Variants in NIT2 observed in about 807,000 individuals in gnomAD.
The protein encoded by NIT2 is omega-amidase NIT2.
Under a neutral mutation model 42.7 loss-of-function variants are expected in NIT2, and 46 were observed. The observed-to-expected ratio is 1.08, with a 90% CI of 0.85 to 1.38. The LOEUF (loss-of-function observed/expected upper bound fraction) is 1.38, where lower values mean the gene tolerates loss of function less well. NIT2 is among the 40% of genes most tolerant of loss of function. The pLI, the probability that NIT2 is intolerant of heterozygous loss-of-function variation, is 0.00. For synonymous variants in NIT2, 123 were observed against 121.9 expected (o/e 1.01, Z -0.06); for missense variants, 309 against 342.5 (o/e 0.90, Z 0.77).
At chr3:100,335,419 T>C (rs1306628031) in intron 1 of NIT2, among the ~76,000 whole-genome samples, 1 of 152,038 alleles carries the variant, frequency 6.6e-6, no homozygotes, top group African/African-American at 2.4e-5. Flanking sequence ...CAGTATTTTA[T>C]TCTTTTTTTC....
In NIT2 at chr3:100,358,714, A is replaced by G. The variant is rs1291323783; in HGVS notation, c.*3446A>G. 1 of 152,250 alleles carries G rather than the reference A, an allele frequency of 6.6e-6. No individual in the cohort carries two copies. The highest frequency in any genetic ancestry group is 1.5e-5 in the Non-Finnish European group (1 of 68,044). The allele number at this position is 152,250 out of a possible 1,614,324, so 9.4% of individuals were successfully genotyped here. On this transcript the variant is annotated 3_prime_UTR_variant, in exon 10 of 10. Coordinates refer to ENST00000394140, the MANE Select transcript of NIT2 (RefSeq NM_020202.5). The stretch of plus-strand genomic sequence containing the variant: ...GACCAAGGAGTAGATTGTGACATCG[A>G]CTGGGTATTTAGGGAAGGACTCCTT...
intron 5 of NIT2, 41 bp from the exon 6 acceptor site, chr3:100,346,140 G>A (rs1445944600): frequency 1.3e-6 from 2 of 1,522,442 alleles, no homozygotes; most frequent in Non-Finnish European, 1.8e-6. Context: ...CATGCTGTAG[G>A]GAGTTAACTT....
rs150742283 is a variant in NIT2 at position 100,346,210 on chromosome 3, T to C, written c.460T>C (p.Tyr154His). 1.2e-6 allele frequency: 2 copies of C among 1,614,176 alleles called. No individual in the cohort carries two copies. The highest frequency in any genetic ancestry group is 1.7e-6 in the Non-Finnish European group (2 of 1,180,006). ...PYCRVGLGIC[Y>H]DMRFAELAQI... ...CTGCAGAGTGGGTCTGGGCATCTGC[T>C]ACGACATGCGGTTTGCAGAGCTTGC... Residue 154 changes from tyrosine to histidine, a missense_variant, in exon 6 of 10, where the codon TAC (tyrosine) becomes CAC (histidine). By Grantham distance (83) the Tyr-to-His change is moderately conservative. Transcript: ENST00000394140.
chr3:100,345,360 A>G (rs1457109969), intron 4 of NIT2, among the ~76,000 whole-genome samples: 3 of 152,220 alleles, frequency 2.0e-5, no homozygotes, highest in Admixed American at 1.3e-4. Flanking sequence ...CTGCTAGAAA[A>G]TAGGGGTTAT....
At position 100,358,180 on chromosome 3, in the gene NIT2, A is replaced by G. The variant is rs952080252; in HGVS notation, c.*2912A>G. ...TGGTACTCTTGAAAAATATGAAAAG[A>G]AACAACTGAAGTAGGCATCTCCTAT... On this transcript the variant is annotated 3_prime_UTR_variant, in exon 10 of 10. Coordinates refer to ENST00000394140, the MANE Select transcript of NIT2 (RefSeq NM_020202.5). The G allele has an allele frequency of 6.6e-6, 1 of 152,226 alleles. No individual in the cohort carries two copies. Among genetic ancestry groups the G allele is most frequent in the Non-Finnish European group, 1.5e-5 (1 of 68,040 alleles). The allele number at this position is 152,226 out of a possible 1,614,324, so 9.4% of individuals were successfully genotyped here. A position where few individuals can be genotyped will look rare whatever the true frequency, so the allele number is the denominator to read the frequency against.
intron 7 of NIT2, chr3:100,350,161 A>G (rs1307929890): frequency 1.3e-5 from 2 of 152,190 alleles, no homozygotes; most frequent in African/African-American, 2.4e-5. Context: ...GATGGTGGTA[A>G]TGTTTAATGT....
intron 9 of NIT2, 114 bp from the exon 10 acceptor site, chr3:100,355,062 TA>T (rs3214701): frequency 0.076 from 60,385 of 795,964 alleles, 3,203 homozygotes; most frequent in African/African-American, 0.21. Flanking sequence ...AGATAAGACC[TA>T]TGTTACTAAG....
chr3:100,349,259 A>G (rs1192272052), intron 7 of NIT2: 1 of 156,882 alleles, frequency 6.4e-6, no homozygotes, highest in Non-Finnish European at 1.4e-5. Context: ...GACTACAAAC[A>G]TGCGCCACCA....
chr3:100,346,071 A>G (rs1229572422), intron 5 of NIT2, 110 bp from the exon 6 acceptor site: 1 of 812,808 alleles, frequency 1.2e-6, no homozygotes, highest in Admixed American at 2.1e-5. Context: ...GTCCTGTGTT[A>G]ATTTATCCCT....
rs1190602039 is a variant in NIT2, at chr3:100,356,963, CTG to C, written c.*1697_*1698del. The C allele has an allele frequency of 6.6e-6, 1 of 152,226 alleles. No homozygotes were observed. Among genetic ancestry groups the C allele is most frequent in the African/African-American group, 2.4e-5 (1 of 41,462 alleles). 9.4% of individuals were successfully genotyped at this position (152,226 alleles called of 1,614,324 possible). Reference sequence around the variant, plus strand: ...TCAAAATCACTCAAAATTACATACTCTGTATGTCTTCTTTCACTCAAAATTAC... The same window carrying C: ...TCAAAATCACTCAAAATTACATACTCTATGTCTTCTTTCACTCAAAATTAC... On this transcript the variant is annotated 3_prime_UTR_variant, in exon 10 of 10. Transcript: ENST00000394140.
intron 4 of NIT2, among the ~76,000 whole-genome samples, chr3:100,342,043 T>A (rs1356151638): frequency 6.6e-6 from 1 of 151,406 alleles, no homozygotes; most frequent in East Asian, 1.9e-4. Context: ...AGACTCCATC[T>A]CAAAAAAAAA....
chr3:100,334,939 C>A, intron 1 of NIT2, 141 bp downstream of exon 1: 1 of 824,688 alleles, frequency 1.2e-6, no homozygotes, highest in Non-Finnish European at 1.6e-6. Context: ...CGGGCGTCCG[C>A]GTGGGTCCGG....
At chr3:100,340,014 T>C in intron 3 of NIT2, 79 bp downstream of exon 3, 1 of 1,209,340 alleles carries the variant, frequency 8.3e-7, no homozygotes, top group Non-Finnish European at 1.1e-6. Flanking sequence ...CGTGCGCCTG[T>C]ATTCCCTACT....
At chr3:100,340,998 C>G (rs1706143358) in intron 3 of NIT2, 75 bp from the exon 4 acceptor site, 1 of 971,302 alleles carries the variant, frequency 1.0e-6, no homozygotes, top group South Asian at 1.4e-5. Flanking sequence ...CCCAAGTTAT[C>G]AGGCTTTTAT....
At position 100,356,355 on chromosome 3, in the gene NIT2, G is replaced by C. The variant is rs920276259; in HGVS notation, c.*1087G>C. The C allele has an allele frequency of 6.6e-6, 1 of 152,250 alleles. No individual in the cohort carries two copies. The highest frequency in any genetic ancestry group is 1.5e-5 in the Non-Finnish European group (1 of 68,054). The allele number at this position is 152,250 out of a possible 1,614,324, so 9.4% of individuals were successfully genotyped here. A position where few individuals can be genotyped will look rare whatever the true frequency, so the allele number is the denominator to read the frequency against. The stretch of plus-strand genomic sequence containing the variant: ...TATCTGCATGACACCTCTAAACACA[G>C]AGTTGGGAATAGATGTGCACAATCA... On this transcript the variant is annotated 3_prime_UTR_variant, in exon 10 of 10. Coordinates refer to ENST00000394140, the MANE Select transcript of NIT2 (RefSeq NM_020202.5).
intron 6 of NIT2, among the ~76,000 whole-genome samples, chr3:100,347,952 G>A (rs1165899463): frequency 4.6e-5 from 7 of 151,816 alleles, no homozygotes; most frequent in Non-Finnish European, 1.0e-4. Flanking sequence ...GTGCAGTGGT[G>A]CGATCTTGGC....
chr3:100,342,936 G>GTT (rs1036569556), intron 4 of NIT2, among the ~76,000 whole-genome samples: 3 of 151,890 alleles, frequency 2.0e-5, no homozygotes, highest in Admixed American at 2.0e-4. Flanking sequence ...AATTCTGTTA[G>GTT]TTTTTCTTTA....
intron 4 of NIT2, among the ~76,000 whole-genome samples, chr3:100,344,194 C>T (rs981256742): frequency 2.6e-5 from 4 of 152,174 alleles, no homozygotes; most frequent in African/African-American, 4.8e-5. Context: ...TCATTTTCAC[C>T]ACTACTTATC....
At chr3:100,339,771 G>T in intron 2 of NIT2, 44 bp from the exon 3 acceptor site, 3 of 1,581,858 alleles carry the variant, frequency 1.9e-6, no homozygotes, top group Non-Finnish European at 2.6e-6. Context: ...TTTAAAATGG[G>T]TGGGTGTTTT....
Sources: gnomAD v4.1 joint callset for allele counts (sites outside exome capture counted in the v4.1 genomes callset) on GRCh38, gnomAD v4.1.1 for gene constraint, MANE v1.5 for transcripts, NCBI Gene and HGNC (gene_info 2026-07-23, HGNC 2026-07-21) for gene names.